The following FAM227B variants were observed in gnomAD, a reference collection of about 807,000 sequenced individuals.
FAM227B encodes family with sequence similarity 227 member B, also known as protein FAM227B.
Under a neutral mutation model 73.8 loss-of-function variants are expected in FAM227B, and 88 were observed. The observed-to-expected ratio is 1.19, with a 90% CI of 1.00 to 1.42. The LOEUF (loss-of-function observed/expected upper bound fraction) is 1.42, where lower values mean the gene tolerates loss of function less well. Among genes scored for constraint, FAM227B ranks in the 40% most tolerant of loss-of-function variants. The pLI is 0.00. For synonymous variants in FAM227B, 210 were observed against 190.5 expected (o/e 1.10, Z -0.84); for missense variants, 632 against 590.9 (o/e 1.07, Z -0.72).
intron 11 of FAM227B, among the ~76,000 whole-genome samples, chr15:49,372,842 T>C (rs900957277): frequency 2.0e-4 from 31 of 152,088 alleles, no homozygotes; most frequent in Non-Finnish European, 3.5e-4. Flanking sequence ...GAAAGTTACT[T>C]GGGTTGATTT....
chr15:49,484,314 A>C (rs1204891984), intron 11 of FAM227B: 16 of 1,586,030 alleles, frequency 1.0e-5, no homozygotes, highest in Non-Finnish European at 1.4e-5. Flanking sequence ...TAACAGAAAG[A>C]ATGCAATGAA....
rs1432810961 is a variant in FAM227B at position 49,422,118 on chromosome 15, C to CAGAGAGAGAGAGAGAG, written c.1013-50720_1013-50719insCTCTCTCTCTCTCTCT. Among the ~76,000 whole-genome samples the CAGAGAGAGAGAGAGAG allele has an allele frequency of 2.1e-3, 163 of 79,082 alleles. 3 individuals are homozygous for CAGAGAGAGAGAGAGAG. The highest frequency in any genetic ancestry group is 8.1e-3 in the Admixed American group (75 of 9,278). The allele number at this position is 79,082 out of a possible 152,430, so 51.9% of individuals were successfully genotyped here. On this transcript the variant is annotated intron_variant, in intron 11 of 15. Coordinates refer to ENST00000299338, the MANE Select transcript of FAM227B (RefSeq NM_152647.3). ...CCTGGTGGTAAAGTAGTGCATTTCA[C>CAGAGAGAGAGAGAGAG]ATAGAGAGAGAGAGAGAGAGAGAGA...
intron 13 of FAM227B, among the ~76,000 whole-genome samples, chr15:49,350,388 T>TA (rs1431981126): frequency 1.1e-4 from 17 of 152,232 alleles, no homozygotes; most frequent in African/African-American, 3.9e-4. Flanking sequence ...TGCACATACT[T>TA]ATATTTCTTT....
At chr15:49,564,936 C>T (rs1186648701) in intron 9 of FAM227B, among the ~76,000 whole-genome samples, 3 of 151,906 alleles carry the variant, frequency 2.0e-5, no homozygotes, top group East Asian at 3.9e-4. Flanking sequence ...ACCCACGTAA[C>T]GAACCTGCAC....
intron 4 of FAM227B, among the ~76,000 whole-genome samples, 160 bp from the exon 5 acceptor site, chr15:49,588,243 A>C (rs1412008771): frequency 6.6e-6 from 1 of 151,886 alleles, no homozygotes; most frequent in Non-Finnish European, 1.5e-5. Flanking sequence ...CTGTTAGCTG[A>C]ATGAATAACT....
intron 11 of FAM227B, among the ~76,000 whole-genome samples, chr15:49,455,930 CT>C (rs1454180090): frequency 6.6e-6 from 1 of 151,964 alleles, no homozygotes; most frequent in East Asian, 1.9e-4. Context: ...TTGGAAATTA[CT>C]ACAGAATGGG....
chr15:49,587,431 G>A (rs2076235308), intron 5 of FAM227B, among the ~76,000 whole-genome samples: 1 of 152,086 alleles, frequency 6.6e-6, no homozygotes. Context: ...AAACCCGCAT[G>A]TCACAAGTTT....
Position 49,328,057 on chromosome 15 carries a change from C to A in FAM227B, c.*511G>T. On this transcript the variant is annotated 3_prime_UTR_variant, in exon 16 of 16. Coordinates refer to ENST00000299338, the MANE Select transcript of FAM227B (RefSeq NM_152647.3). ...TGCCCAGCTTTCTAGCAAATGTGCA[C>A]AAAGCTTATTACCAGAGGAGTGATG... The A allele has an allele frequency of 6.2e-7, 1 of 1,613,992 alleles. No homozygotes were observed. The highest frequency in any genetic ancestry group is 8.5e-7 in the Non-Finnish European group (1 of 1,179,974).
At chr15:49,389,582 CTA>C (rs1361881136) in intron 11 of FAM227B, among the ~76,000 whole-genome samples, 11 of 150,450 alleles carry the variant, frequency 7.3e-5, no homozygotes, top group Non-Finnish European at 1.5e-4. Flanking sequence ...GAATTCAGCA[CTA>C]TGTAATTCAT....
intron 11 of FAM227B, chr15:49,488,015 C>G (rs530501605): frequency 6.6e-6 from 1 of 152,030 alleles, no homozygotes; most frequent in South Asian, 2.1e-4. Context: ...CTCAAATTCA[C>G]CACGCATAGG....
At chr15:49,446,005 G>A (rs1353885103) in intron 11 of FAM227B, among the ~76,000 whole-genome samples, 2 of 151,188 alleles carry the variant, frequency 1.3e-5, no homozygotes, top group African/African-American at 2.4e-5. Context: ...TTTCCTTACT[G>A]GAATAGACAT....
At chr15:49,569,250 A>T (rs1356439613) in intron 8 of FAM227B, among the ~76,000 whole-genome samples, 2 of 149,396 alleles carry the variant, frequency 1.3e-5, no homozygotes, top group African/African-American at 4.8e-5. Flanking sequence ...TAGTAATTAT[A>T]GTCTTCCCTA....
intron 15 of FAM227B, chr15:49,329,165 T>A: frequency 2.0e-6 from 2 of 987,618 alleles, no homozygotes; most frequent in Non-Finnish European, 2.4e-6. Context: ...TATGCAGGTA[T>A]GTGGGTGAAA....
At chr15:49,362,093 G>T (rs963551174) in intron 13 of FAM227B, among the ~76,000 whole-genome samples, 3 of 152,026 alleles carry the variant, frequency 2.0e-5, no homozygotes, top group African/African-American at 4.8e-5. Context: ...TAATGGGTTT[G>T]TTTGCTGTGT....
At chr15:49,366,801 C>G in intron 13 of FAM227B, 1 of 568,196 alleles carries the variant, frequency 1.8e-6, no homozygotes, top group East Asian at 3.2e-5. Flanking sequence ...CTGGGATCGC[C>G]GCTGCTGCAG....
intron 10 of FAM227B, among the ~76,000 whole-genome samples, chr15:49,521,738 G>A (rs942542860): frequency 9.2e-5 from 14 of 152,062 alleles, no homozygotes; most frequent in East Asian, 1.9e-4. Flanking sequence ...TAGTCACATC[G>A]TGGTCTCCAG....
chr15:49,489,841 TTATATATATATATATATTTTATATA>T (rs1266779806), intron 11 of FAM227B, among the ~76,000 whole-genome samples: 51 of 22,970 alleles, frequency 2.2e-3, no homozygotes, highest in South Asian at 6.7e-3. Context: ...TATATATATT[TTATATATATATATATATTTTATATA>T]TATATATATA....
intron 11 of FAM227B, among the ~76,000 whole-genome samples, chr15:49,477,287 G>A (rs575639868): frequency 1.6e-4 from 25 of 152,144 alleles, no homozygotes; most frequent in African/African-American, 3.4e-4. Context: ...ACAGTATTAC[G>A]CAGAATAGTT....
At chr15:49,565,227 C>T (rs1439506057) in intron 9 of FAM227B, among the ~76,000 whole-genome samples, 1 of 151,606 alleles carries the variant, frequency 6.6e-6, no homozygotes, top group Non-Finnish European at 1.5e-5. Context: ...ACTAAAAATA[C>T]AAAAATTAGC....
Sources: gnomAD v4.1 joint callset for allele counts (sites outside exome capture counted in the v4.1 genomes callset) on GRCh38, gnomAD v4.1.1 for gene constraint, MANE v1.5 for transcripts, NCBI Gene and HGNC (gene_info 2026-07-23, HGNC 2026-07-21) for gene names.